Variants in ANKRD29 observed in about 807,000 individuals in gnomAD.
ANKRD29 encodes ankyrin repeat domain 29.
Under a neutral mutation model 38.0 loss-of-function variants are expected in ANKRD29, and 32 were observed. That is an observed-to-expected ratio of 0.84 (90% confidence interval 0.64 to 1.13). The LOEUF is 1.13. Ranked by LOEUF, ANKRD29 falls within the 50% of genes most tolerant of loss-of-function variation. The probability of loss-of-function intolerance (pLI) is 0.00; values close to 1 mark genes in which losing one functional copy is unlikely to be tolerated. For missense variants in ANKRD29, 357 were observed against 377.9 expected (o/e 0.94, Z 0.46); for synonymous variants, 135 against 152.4 (o/e 0.89, Z 0.84).
At chr18:23,616,792 T>C (rs1048667290) in intron 8 of ANKRD29, among the ~76,000 whole-genome samples, 4 of 147,146 alleles carry the variant, frequency 2.7e-5, no homozygotes, top group African/African-American at 9.9e-5. Flanking sequence ...AATAATATAA[T>C]ATAATAAAAT....
At chr18:23,655,538 G>A (rs1372086119) in intron 1 of ANKRD29, among the ~76,000 whole-genome samples, 2 of 151,898 alleles carry the variant, frequency 1.3e-5, no homozygotes, top group South Asian at 2.1e-4. Flanking sequence ...TCTGCCTCCC[G>A]GGTTCAAGCG....
At chr18:23,604,428 TTTC>T (rs1377275463) in intron 9 of ANKRD29, among the ~76,000 whole-genome samples, 1 of 152,196 alleles carries the variant, frequency 6.6e-6, no homozygotes, top group African/African-American at 2.4e-5. Flanking sequence ...TTTTTATTTT[TTTC>T]TTCTTTTCTG....
chr18:23,650,166 G>A (rs2060192825), intron 1 of ANKRD29, among the ~76,000 whole-genome samples: 1 of 151,580 alleles, frequency 6.6e-6, no homozygotes, highest in African/African-American at 2.4e-5. Context: ...GTTTGTTTGA[G>A]ACAGGGACTC....
At chr18:23,617,679 T>A in intron 8 of ANKRD29, 53 bp downstream of exon 8, 1 of 1,507,204 alleles carries the variant, frequency 6.6e-7, no homozygotes, top group Non-Finnish European at 9.2e-7. Context: ...AAGTGAGGAC[T>A]TACTTTCTAA....
intron 8 of ANKRD29, among the ~76,000 whole-genome samples, chr18:23,613,467 T>A (rs2059670625): frequency 1.3e-5 from 2 of 151,600 alleles, no homozygotes; most frequent in Middle Eastern, 3.4e-3. Flanking sequence ...CCACCATGCC[T>A]GACCAGGAGT....
intron 1 of ANKRD29, among the ~76,000 whole-genome samples, chr18:23,653,692 T>C (rs1303206264): frequency 6.6e-6 from 1 of 151,324 alleles, no homozygotes; most frequent in Admixed American, 6.6e-5. Flanking sequence ...AGTGGCGCAA[T>C]CTGGGCTCAC....
intron 4 of ANKRD29, 129 bp from the exon 5 acceptor site, chr18:23,634,278 G>GTTTTTTTTTTTTTTTTTTTT (rs71163626): frequency 2.9e-6 from 1 of 343,748 alleles, no homozygotes; most frequent in Non-Finnish European, 4.9e-6. Flanking sequence ...CACTTTCCCT[G>GTTTTTTTTTTTTTTTTTTTT]TTTTTTTTTT....
At chr18:23,631,035 T>C (rs1259350041) in intron 5 of ANKRD29, among the ~76,000 whole-genome samples, 1 of 151,830 alleles carries the variant, frequency 6.6e-6, no homozygotes, top group Non-Finnish European at 1.5e-5. Context: ...AATTAGATCT[T>C]TCCTACCCTT....
chr18:23,652,929 C>T (rs559523863), intron 1 of ANKRD29, among the ~76,000 whole-genome samples: 9 of 152,312 alleles, frequency 5.9e-5, no homozygotes, highest in Admixed American at 2.0e-4. Context: ...TAATGATAGG[C>T]TGCATAAATG....
At chr18:23,650,019 T>C (rs953704191) in intron 1 of ANKRD29, among the ~76,000 whole-genome samples, 3 of 150,204 alleles carry the variant, frequency 2.0e-5, no homozygotes, top group Non-Finnish European at 4.5e-5. Context: ...TGAGCCACCG[T>C]GCCCGGCCCC....
chr18:23,631,242 CTTTT>C (rs577952705), intron 5 of ANKRD29, among the ~76,000 whole-genome samples: 3 of 139,048 alleles, frequency 2.2e-5, no homozygotes, highest in Non-Finnish European at 1.6e-5. Context: ...TCTCTCTCTT[CTTTT>C]TTTTTTTTTT....
intron 7 of ANKRD29, 55 bp downstream of exon 7, chr18:23,619,476 C>T: frequency 1.3e-6 from 2 of 1,496,470 alleles, no homozygotes; most frequent in Non-Finnish European, 1.8e-6. Context: ...CCCGTTTTCT[C>T]CACACAGGCG....
chr18:23,619,995 T>C (rs533714598), intron 6 of ANKRD29, among the ~76,000 whole-genome samples: 1 of 152,316 alleles, frequency 6.6e-6, no homozygotes, highest in African/African-American at 2.4e-5. Context: ...AGCTGACCTG[T>C]ATACATACAC....
At chr18:23,638,544 C>T (rs1279996732) in intron 4 of ANKRD29, among the ~76,000 whole-genome samples, 1 of 152,200 alleles carries the variant, frequency 6.6e-6, no homozygotes, top group Non-Finnish European at 1.5e-5. Context: ...GCCACTGCTA[C>T]TGTATCCCTC....
chr18:23,642,507 C>G (rs2060091038), intron 3 of ANKRD29, among the ~76,000 whole-genome samples: 1 of 152,180 alleles, frequency 6.6e-6, no homozygotes, highest in Admixed American at 6.5e-5. Context: ...GTGGCTGGAC[C>G]CCATGCTTGC....
intron 3 of ANKRD29, among the ~76,000 whole-genome samples, chr18:23,643,189 T>C (rs1417316215): frequency 6.6e-6 from 1 of 152,196 alleles, no homozygotes; most frequent in Non-Finnish European, 1.5e-5. Flanking sequence ...GGCTGTGCCC[T>C]CAGCCAGACT....
chr18:23,634,345 A>C lies in ANKRD29; in HGVS notation c.331-196T>G, dbSNP rs1391394018. 2.1e-4 allele frequency among the ~76,000 whole-genome samples: 27 copies of C among 129,034 alleles called. No homozygotes were observed. In the Admixed American group the frequency reaches 2.5e-3, roughly 12 times the overall value. 84.7% of individuals were successfully genotyped at this position (129,034 alleles called of 152,430 possible). A position where few individuals can be genotyped will look rare whatever the true frequency, so the allele number is the denominator to read the frequency against. ...TGCTCTGTCACCCAGGCTGGAGTGC[A>C]GTGGTGCGATCTTGGCTCACTGCAA... On this transcript the variant is annotated intron_variant, in intron 4 of 9. Coordinates refer to ENST00000592179, the MANE Select transcript of ANKRD29 (RefSeq NM_173505.4).
chr18:23,633,952 TTAAAG>T (rs1314328628), intron 5 of ANKRD29, 94 bp downstream of exon 5: 3 of 1,197,026 alleles, frequency 2.5e-6, no homozygotes, highest in Non-Finnish European at 3.7e-6. Flanking sequence ...CTACTGTCCA[TTAAAG>T]TATTTTTGAA....
At chr18:23,643,489 T>C (rs2060103173) in intron 3 of ANKRD29, among the ~76,000 whole-genome samples, 1 of 152,242 alleles carries the variant, frequency 6.6e-6, no homozygotes, top group Non-Finnish European at 1.5e-5. Context: ...AATTTGCTTT[T>C]CAATAGGCTT....
Sources: gnomAD v4.1 joint callset for allele counts (sites outside exome capture counted in the v4.1 genomes callset) on GRCh38, gnomAD v4.1.1 for gene constraint, MANE v1.5 for transcripts, NCBI Gene and HGNC (gene_info 2026-07-23, HGNC 2026-07-21) for gene names.